Variants in MDGA2 observed in about 807,000 individuals in gnomAD.
MDGA2 encodes the protein MAM domain-containing glycosylphosphatidylinositol anchor protein 2.
MDGA2 carries 40 observed loss-of-function variants against 117.8 expected under a neutral mutation model. That is an observed-to-expected ratio of 0.34 (90% CI 0.26 to 0.44). The LOEUF (loss-of-function observed/expected upper bound fraction) is 0.44, where lower values mean the gene tolerates loss of function less well. Among genes scored for constraint, MDGA2 ranks in the 20% least tolerant of loss-of-function variants. MDGA2 has a pLI of 1.00. For missense variants in MDGA2, 1,123 were observed against 1,250.6 expected (o/e 0.90, Z 1.54); for synonymous variants, 452 against 439.0 (o/e 1.03, Z -0.37).
At chr14:47,112,804 G>A (rs1042933328) in intron 5 of MDGA2, among the ~76,000 whole-genome samples, 2 of 152,120 alleles carry the variant, frequency 1.3e-5, no homozygotes, top group African/African-American at 2.4e-5. Flanking sequence ...CTACGTCTTT[G>A]AGGAATCACA....
chr14:47,037,136 A>G (rs1888883721), intron 7 of MDGA2, among the ~76,000 whole-genome samples: 1 of 152,240 alleles, frequency 6.6e-6, no homozygotes, highest in Admixed American at 6.5e-5. Flanking sequence ...CAGCATGCTC[A>G]GACAATGGGA....
At chr14:47,635,029 T>A (rs954079275) in intron 1 of MDGA2, among the ~76,000 whole-genome samples, 2 of 152,230 alleles carry the variant, frequency 1.3e-5, no homozygotes, top group South Asian at 4.1e-4. Flanking sequence ...TGGGTAATAA[T>A]AATAATACCT....
At chr14:47,085,515 A>G (rs760413755) in intron 6 of MDGA2, among the ~76,000 whole-genome samples, 1 of 152,294 alleles carries the variant, frequency 6.6e-6, no homozygotes, top group Admixed American at 6.5e-5. Context: ...ATTCTTGCTC[A>G]TGACAGCAGA....
intron 5 of MDGA2, among the ~76,000 whole-genome samples, chr14:47,108,646 C>T (rs1261437428): frequency 6.6e-6 from 1 of 151,054 alleles, no homozygotes; most frequent in East Asian, 1.9e-4. Context: ...AACGGCCCCA[C>T]CCTTATCTCC....
intron 8 of MDGA2, among the ~76,000 whole-genome samples, chr14:47,024,320 C>T (rs1457767343): frequency 6.6e-6 from 1 of 152,136 alleles, no homozygotes; most frequent in East Asian, 1.9e-4. Flanking sequence ...TTATGTTGTA[C>T]ACAAGGCAAT....
intron 1 of MDGA2, among the ~76,000 whole-genome samples, chr14:47,400,499 T>G (rs974182779): frequency 2.6e-5 from 4 of 151,784 alleles, no homozygotes; most frequent in Non-Finnish European, 5.9e-5. Flanking sequence ...ATATACTTTG[T>G]AGGATTTATA....
chr14:47,197,461 T>C (rs1361608678), intron 3 of MDGA2, among the ~76,000 whole-genome samples: 1 of 152,082 alleles, frequency 6.6e-6, no homozygotes, highest in African/African-American at 2.4e-5. Context: ...GATCTGGATT[T>C]CCCAGACTCC....
At chr14:47,652,721 T>A (rs1897667909) in intron 1 of MDGA2, among the ~76,000 whole-genome samples, 1 of 152,176 alleles carries the variant, frequency 6.6e-6, no homozygotes, top group African/African-American at 2.4e-5. Context: ...AACTCTTTAG[T>A]AATTTTTAAA....
At chr14:47,596,662 T>C (rs1896549265) in intron 1 of MDGA2, among the ~76,000 whole-genome samples, 1 of 152,184 alleles carries the variant, frequency 6.6e-6, no homozygotes, top group Non-Finnish European at 1.5e-5. Context: ...TCTATCCTCA[T>C]ACCCCTACCA....
chr14:46,846,636 A>C (rs554775281), intron 15 of MDGA2, among the ~76,000 whole-genome samples: 68 of 152,224 alleles, frequency 4.5e-4, no homozygotes, highest in African/African-American at 1.6e-3. Context: ...ACAATTAGCA[A>C]ATTTATATAT....
intron 1 of MDGA2, among the ~76,000 whole-genome samples, chr14:47,493,781 T>A (rs1280186295): frequency 6.6e-6 from 1 of 152,226 alleles, no homozygotes; most frequent in Non-Finnish European, 1.5e-5. Flanking sequence ...TACCAATGCA[T>A]ATAACAAATG....
intron 1 of MDGA2, among the ~76,000 whole-genome samples, chr14:47,410,235 C>A (rs1892344672): frequency 6.6e-6 from 1 of 151,912 alleles, no homozygotes; most frequent in African/African-American, 2.4e-5. Context: ...CTGGAATGAG[C>A]CTTGTGTCTT....
At chr14:47,310,029 T>G (rs923961445) in intron 1 of MDGA2, among the ~76,000 whole-genome samples, 2 of 152,176 alleles carry the variant, frequency 1.3e-5, no homozygotes, top group Non-Finnish European at 2.9e-5. Context: ...TGCAAAATAT[T>G]ATTCTGAATT....
intron 2 of MDGA2, among the ~76,000 whole-genome samples, chr14:47,258,874 A>G (rs1441932041): frequency 6.6e-6 from 1 of 151,966 alleles, no homozygotes; most frequent in African/African-American, 2.4e-5. Context: ...GAATATGGAA[A>G]TTTTAATTCC....
intron 9 of MDGA2, among the ~76,000 whole-genome samples, chr14:46,955,978 T>A (rs139298097): frequency 6.6e-6 from 1 of 152,242 alleles, no homozygotes; most frequent in African/African-American, 2.4e-5. Flanking sequence ...GGAATACTAA[T>A]CCTGATATGT....
In MDGA2 at chr14:46,919,998, G is replaced by A; in HGVS notation, c.2238+14C>T. The A allele has an allele frequency of 1.3e-6, 2 of 1,560,258 alleles. No individual in the cohort carries two copies. The highest frequency in any genetic ancestry group is 1.3e-5 in the South Asian group (1 of 79,426). ...GGACCACAAAGAAAAAAGGACATCAGTTAGATTTCTCACCTGCCTGATGCC... is the reference window on the plus strand; with the variant it reads ...GGACCACAAAGAAAAAAGGACATCAATTAGATTTCTCACCTGCCTGATGCC... On this transcript the variant is annotated intron_variant, in intron 10 of 16. Transcript: ENST00000399232.
At chr14:47,430,560 G>A (rs1197915079) in intron 1 of MDGA2, among the ~76,000 whole-genome samples, 1 of 151,798 alleles carries the variant, frequency 6.6e-6, no homozygotes, top group Non-Finnish European at 1.5e-5. Context: ...TTTATTCTCT[G>A]TGGAAAACAA....
chr14:47,038,482 TTA>T (rs1305769724), intron 7 of MDGA2, among the ~76,000 whole-genome samples: 4 of 152,154 alleles, frequency 2.6e-5, no homozygotes, highest in East Asian at 1.9e-4. Flanking sequence ...TAAAATTTGT[TTA>T]TGTTTTTCAT....
intron 3 of MDGA2, among the ~76,000 whole-genome samples, chr14:47,202,086 A>T (rs1594719044): frequency 6.6e-6 from 1 of 152,022 alleles, no homozygotes; most frequent in East Asian, 1.9e-4. Flanking sequence ...TTTCACTCTT[A>T]CTCTTTTTCT....
Sources: gnomAD v4.1 joint callset for allele counts (sites outside exome capture counted in the v4.1 genomes callset) on GRCh38, gnomAD v4.1.1 for gene constraint, MANE v1.5 for transcripts, NCBI Gene and HGNC (gene_info 2026-07-23, HGNC 2026-07-21) for gene names.